SLC26A9: variants seen among roughly 807,000 people sequenced by gnomAD.
SLC26A9 encodes the protein anion transporter/exchanger protein 9.
In SLC26A9, 46 loss-of-function variants were observed where a neutral mutation model predicts 87.1. The ratio of observed to expected loss-of-function variants is 0.53; its 90% confidence interval spans 0.42 to 0.67. The LOEUF is 0.67. Among genes scored for constraint, SLC26A9 ranks in the 30% least tolerant of loss-of-function variants. The probability of loss-of-function intolerance (pLI) is 0.00; values close to 1 mark genes in which losing one functional copy is unlikely to be tolerated. For synonymous variants in SLC26A9, 437 were observed against 409.1 expected (o/e 1.07, Z -0.82); for missense variants, 927 against 1,018.3 (o/e 0.91, Z 1.22).
intron 6 of SLC26A9, 78 bp downstream of exon 6, chr1:205,929,814 A>T: frequency 6.8e-7 from 1 of 1,476,836 alleles, no homozygotes; most frequent in South Asian, 1.5e-5. Context: ...GGAGCTCACG[A>T]CATCTTAAAA....
At position 205,933,039 on chromosome 1, in the gene SLC26A9, A is replaced by G. The variant is rs768222190; in HGVS notation, c.171T>C (p.Pro57=). 1 of 1,614,190 alleles carries G rather than the reference A, an allele frequency of 6.2e-7. No individual in the cohort carries two copies. Among genetic ancestry groups the G allele is most frequent in the South Asian group, 1.1e-5 (1 of 91,082 alleles). Residue 57 remains proline (P), a synonymous_variant, in exon 3 of 21, where the codon CCT becomes CCC. Transcript: ENST00000367135. ...KIKAVVFGLL[P]VLSWLPKYKI... Reference sequence around the variant, plus strand: ...TGTACTTGGGGAGCCAGGAGAGCACAGGCAGCAGCCCAAACACCACAGCTT... The same window carrying G: ...TGTACTTGGGGAGCCAGGAGAGCACGGGCAGCAGCCCAAACACCACAGCTT...
chr1:205,928,769 A>T, intron 8 of SLC26A9, 58 bp downstream of exon 8: 2 of 1,533,752 alleles, frequency 1.3e-6, no homozygotes, highest in Admixed American at 1.7e-5. Flanking sequence ...CTCCGAGCTC[A>T]GGCCTTAGTG....
intron 5 of SLC26A9, 43 bp from the exon 6 acceptor site, chr1:205,930,099 G>A (rs770759715): frequency 1.9e-6 from 3 of 1,559,084 alleles, no homozygotes; most frequent in Non-Finnish European, 2.6e-6. Context: ...AGACCAATGT[G>A]GTTCAGCAGT....
At chr1:205,941,052 G>A (rs1477438689) in intron 1 of SLC26A9, among the ~76,000 whole-genome samples, 1 of 152,238 alleles carries the variant, frequency 6.6e-6, no homozygotes, top group East Asian at 1.9e-4. Context: ...AGGTGTGAAT[G>A]TGAGCTGGGA....
At chr1:205,927,342 A>G in intron 10 of SLC26A9, 54 bp from the exon 11 acceptor site, 4 of 1,600,214 alleles carry the variant, frequency 2.5e-6, no homozygotes, top group Non-Finnish European at 3.4e-6. Flanking sequence ...TTTGCTCTTG[A>G]TTTACTTCCA....
At chr1:205,915,463 C>T in intron 20 of SLC26A9, 59 bp from the exon 21 acceptor site, 2 of 1,611,508 alleles carry the variant, frequency 1.2e-6, no homozygotes, top group Non-Finnish European at 1.7e-6. Flanking sequence ...CAGTTGGGGT[C>T]ACAGTGGCTG....
intron 20 of SLC26A9, among the ~76,000 whole-genome samples, chr1:205,916,138 C>T (rs1307671696): frequency 6.6e-6 from 1 of 152,128 alleles, no homozygotes; most frequent in Non-Finnish European, 1.5e-5. Flanking sequence ...GCTCTGTCAC[C>T]CAAGCTGGAG....
intron 12 of SLC26A9, 126 bp downstream of exon 12, chr1:205,926,409 C>A: frequency 2.6e-6 from 2 of 781,844 alleles, no homozygotes; most frequent in Admixed American, 2.2e-5. Context: ...CTTTTAACCA[C>A]TCATCTCATG....
At chr1:205,928,473 A>C (rs1659172585) in intron 8 of SLC26A9, 1 of 406,312 alleles carries the variant, frequency 2.5e-6, no homozygotes. Context: ...TGGATGCTTC[A>C]TGAATCTGGT....
At chr1:205,929,413 A>C (rs1659218593) in intron 6 of SLC26A9, 57 bp from the exon 7 acceptor site, 2 of 1,584,536 alleles carry the variant, frequency 1.3e-6, no homozygotes, top group East Asian at 4.5e-5. Flanking sequence ...ATAATACCCC[A>C]CCTTTGGGTG....
At chr1:205,915,681 G>A (rs1003215780) in intron 20 of SLC26A9, among the ~76,000 whole-genome samples, 4 of 152,028 alleles carry the variant, frequency 2.6e-5, no homozygotes, top group South Asian at 2.1e-4. Context: ...CGTGTCCCTC[G>A]CCCCCTAATA....
intron 2 of SLC26A9, 34 bp downstream of exon 2, chr1:205,935,662 G>C (rs1659479821): frequency 6.2e-7 from 1 of 1,613,280 alleles, no homozygotes; most frequent in Non-Finnish European, 8.5e-7. Context: ...GTAGGGAGCA[G>C]AGGAGGCAGA....
chr1:205,924,781 T>A (rs767069450), intron 12 of SLC26A9: 48 of 325,144 alleles, frequency 1.5e-4, no homozygotes, highest in Non-Finnish European at 2.4e-4. Flanking sequence ...TCAGATCTGT[T>A]TGGGTTCAAA....
intron 2 of SLC26A9, among the ~76,000 whole-genome samples, chr1:205,935,441 A>G (rs1433826954): frequency 6.6e-6 from 1 of 152,042 alleles, no homozygotes; most frequent in African/African-American, 2.4e-5. Flanking sequence ...AATTGAGAAT[A>G]TGGGAGATGC....
rs754715129 is a variant in SLC26A9, at chr1:205,928,886, G to A, written c.894C>T (p.Ser298=). Residue 298 remains serine (S), a synonymous_variant, in exon 8 of 21, where the codon TCC becomes TCT. Coordinates refer to ENST00000367135, the MANE Select transcript of SLC26A9 (RefSeq NM_052934.4). ...ACTTTTTGGGCATCTTACAGCCCCCGGAGATAGCTGTTGCCACCACCACCT... is the reference window on the plus strand; with the variant it reads ...ACTTTTTGGGCATCTTACAGCCCCCAGAGATAGCTGTTGCCACCACCACCT... ...MIVVVVATAI[S]GGCKMPKKYH... is the part of the protein sequence containing the mutation. 44 of 1,613,966 alleles carry A rather than the reference G, an allele frequency of 2.7e-5. No individual in the cohort carries two copies. Among genetic ancestry groups the A allele is most frequent in the Non-Finnish European group, 3.2e-5 (38 of 1,180,016 alleles).
chr1:205,934,012 G>A (rs1465930509), intron 2 of SLC26A9, among the ~76,000 whole-genome samples: 4 of 152,166 alleles, frequency 2.6e-5, no homozygotes, highest in Non-Finnish European at 5.9e-5. Flanking sequence ...CAAATACTTA[G>A]GGCCCATTTG....
intron 1 of SLC26A9, among the ~76,000 whole-genome samples, chr1:205,937,452 A>C (rs777113202): frequency 1.3e-5 from 2 of 152,230 alleles, no homozygotes; most frequent in Non-Finnish European, 1.5e-5. Flanking sequence ...GGAAAACAGC[A>C]CAAGTTTGAG....
intron 9 of SLC26A9, 46 bp downstream of exon 9, chr1:205,927,856 G>A: frequency 6.3e-7 from 1 of 1,596,586 alleles, no homozygotes; most frequent in Non-Finnish European, 8.6e-7. Context: ...TGCCAGGCCT[G>A]AGTTGACCTG....
rs1201112396 is a variant in SLC26A9, at chr1:205,923,535, A to G, written c.1566+9T>C. ...CAAAAGAAGGAGGTCATAAGCTTGAATTACCTACCCTATTATAGGTCTTGG... is the reference window on the plus strand; with the variant it reads ...CAAAAGAAGGAGGTCATAAGCTTGAGTTACCTACCCTATTATAGGTCTTGG... On this transcript the variant is annotated intron_variant, in intron 14 of 20. Coordinates refer to ENST00000367135, the MANE Select transcript of SLC26A9 (RefSeq NM_052934.4). 16 of 1,614,106 alleles carry G rather than the reference A, an allele frequency of 9.9e-6. No individual in the cohort carries two copies. Among genetic ancestry groups the G allele is most frequent in the Admixed American group, 1.7e-5 (1 of 60,012 alleles).
Sources: gnomAD v4.1 joint callset for allele counts (sites outside exome capture counted in the v4.1 genomes callset) on GRCh38, gnomAD v4.1.1 for gene constraint, MANE v1.5 for transcripts, NCBI Gene and HGNC (gene_info 2026-07-23, HGNC 2026-07-21) for gene names.